Variants in SCUBE1 observed in about 807,000 individuals in gnomAD.
SCUBE1 encodes signal peptide, CUB domain and EGF like domain containing 1.
In SCUBE1, 59 loss-of-function variants were observed where a neutral mutation model predicts 124.4. That is an observed-to-expected ratio of 0.47 (90% confidence interval 0.38 to 0.59). The LOEUF (loss-of-function observed/expected upper bound fraction) is 0.59, where lower values mean the gene tolerates loss of function less well. Among genes scored for constraint, SCUBE1 ranks in the 20% least tolerant of loss-of-function variants. The probability of loss-of-function intolerance (pLI) is 0.00; values close to 1 mark genes in which losing one functional copy is unlikely to be tolerated. For missense variants in SCUBE1, 1,150 were observed against 1,371.2 expected (o/e 0.84, Z 2.55); for synonymous variants, 545 against 550.9 (o/e 0.99, Z 0.15).
chr22:43,217,978 G>A (rs928818220), intron 15 of SCUBE1, among the ~76,000 whole-genome samples: 12 of 152,278 alleles, frequency 7.9e-5, no homozygotes, highest in African/African-American at 2.4e-4. Flanking sequence ...TCTGGTTCCC[G>A]TGCCCCCTCG....
At chr22:43,324,223 C>T (rs934114857) in intron 2 of SCUBE1, among the ~76,000 whole-genome samples, 1 of 152,192 alleles carries the variant, frequency 6.6e-6, no homozygotes, top group Non-Finnish European at 1.5e-5. Flanking sequence ...ATCTGATCAC[C>T]ATACCCATAA....
Position 43,215,423 on chromosome 22 carries a change from T to C in SCUBE1, c.1892-1172A>G, listed in dbSNP as rs558882372. Among the ~76,000 whole-genome samples, 13 of 152,294 alleles carry C rather than the reference T, an allele frequency of 8.5e-5. No homozygotes were observed. In the East Asian group the frequency reaches 1.3e-3, roughly 16 times the overall value. ...GAATGTGACTAGTGAGCGTGGAACA[T>C]GGAACAAATGGTAGAGGTGGCTGAC... is the stretch of plus-strand genomic sequence containing the variant. On this transcript the variant is annotated intron_variant, in intron 15 of 21. Transcript: ENST00000360835.
intron 20 of SCUBE1, among the ~76,000 whole-genome samples, chr22:43,207,828 C>T (rs1163585545): frequency 6.6e-6 from 1 of 152,206 alleles, no homozygotes; most frequent in Non-Finnish European, 1.5e-5. Flanking sequence ...ATTTAGCCCT[C>T]AAAACCCTGC....
At chr22:43,249,759 G>A (rs906426384) in intron 6 of SCUBE1, among the ~76,000 whole-genome samples, 21 of 152,274 alleles carry the variant, frequency 1.4e-4, no homozygotes, top group Admixed American at 1.2e-3. Flanking sequence ...CCTGCCAGCA[G>A]GACAGTGGGC....
intron 9 of SCUBE1, among the ~76,000 whole-genome samples, chr22:43,228,871 G>A (rs939423154): frequency 1.3e-5 from 2 of 152,218 alleles, no homozygotes; most frequent in African/African-American, 2.4e-5. Flanking sequence ...ACCTCTAACC[G>A]TTCCCTGCTA....
At chr22:43,221,377 A>G (rs1922086450) in intron 12 of SCUBE1, 88 bp from the exon 13 acceptor site, 2 of 693,782 alleles carry the variant, frequency 2.9e-6, no homozygotes, top group South Asian at 1.7e-5. Flanking sequence ...GGACAAATCC[A>G]TCTGGAGCTG....
intron 5 of SCUBE1, among the ~76,000 whole-genome samples, chr22:43,262,151 G>T (rs1253362663): frequency 6.6e-6 from 1 of 152,218 alleles, no homozygotes; most frequent in Non-Finnish European, 1.5e-5. Flanking sequence ...GGGTCAAATT[G>T]TGAGTTCTGA....
intron 21 of SCUBE1, among the ~76,000 whole-genome samples, chr22:43,205,244 C>T (rs1921174655): frequency 6.6e-6 from 1 of 152,126 alleles, no homozygotes; most frequent in Non-Finnish European, 1.5e-5. Context: ...TACAGGTTTG[C>T]TGCAGGGATC....
In SCUBE1 at chr22:43,238,917, T is replaced by C. The variant is rs759760342; in HGVS notation, c.765A>G (p.Thr255=). The part of the protein sequence containing the change: ...CAVNNGGCDR[T]CKDTATGVRC... The stretch of plus-strand genomic sequence containing the variant: ...GCACGCCAGTGGCTGTGTCCTTGCA[T>C]GTCCGGTCGCAGCCTCCGTTATTGA... Residue 255 remains threonine, a synonymous_variant, in exon 7 of 22, where the codon ACA becomes ACG. Transcript: ENST00000360835. 3 of 1,613,066 alleles carry C rather than the reference T, an allele frequency of 1.9e-6. No homozygotes were observed. The highest frequency in any genetic ancestry group is 2.7e-5 in the African/African-American group (2 of 75,060).
Position 43,204,048 on chromosome 22 carries a change from GAA to G in SCUBE1, c.2914_2915del (p.Phe972HisfsTer111). Reference sequence around the variant, plus strand: ...ACACTTTGGAGCGCAGCAGTTTGATGAAGGACCGTGGGAACATCTCCTTGGAT... The same window carrying G: ...ACACTTTGGAGCGCAGCAGTTTGATGGGACCGTGGGAACATCTCCTTGGAT... ...QESKEMFPRS[F>X]IKLLRSKVSR... On this transcript the variant is annotated frameshift_variant, in exon 22 of 22. Transcript: ENST00000360835. LOFTEE classifies it high-confidence loss of function. The G allele has an allele frequency of 6.2e-7, 1 of 1,614,164 alleles. No individual in the cohort carries two copies. The highest frequency in any genetic ancestry group is 8.5e-7 in the Non-Finnish European group (1 of 1,180,026).
At chr22:43,312,822 C>T (rs891904090) in intron 3 of SCUBE1, among the ~76,000 whole-genome samples, 5 of 152,190 alleles carry the variant, frequency 3.3e-5, no homozygotes, top group East Asian at 1.9e-4. Context: ...CCCAAACTCA[C>T]GGATAGATAC....
intron 13 of SCUBE1, among the ~76,000 whole-genome samples, 189 bp from the exon 14 acceptor site, chr22:43,220,776 C>T (rs190655506): frequency 8.2e-4 from 125 of 152,304 alleles, no homozygotes; most frequent in African/African-American, 2.8e-3. Context: ...CCAGGTCTCA[C>T]GCCCGGTCCA....
rs778763631 is a variant in SCUBE1, at chr22:43,211,086, G to A, written c.2222-3C>T. 6.2e-6 allele frequency: 10 copies of A among 1,607,240 alleles called. 1 individual carries two copies. The South Asian group carries it at 1.0e-4, about 16-fold the overall frequency. On this transcript the variant is annotated splice_polypyrimidine_tract_variant and splice_region_variant and intron_variant, in intron 17 of 21. Coordinates refer to ENST00000360835, the MANE Select transcript of SCUBE1 (RefSeq NM_173050.5). This position sits in a 1 kb window ranked among gnomAD's most constrained non-coding sequence, Gnocchi z 4.5. Reference sequence around the variant, plus strand: ...GTGGTGGCCGGGGGAGCAGTGCACTGCCGGGGGACACAAGGCAGTGTGGTG... The same window carrying A: ...GTGGTGGCCGGGGGAGCAGTGCACTACCGGGGGACACAAGGCAGTGTGGTG...
At chr22:43,286,979 G>C (rs1210339877) in intron 4 of SCUBE1, among the ~76,000 whole-genome samples, 1 of 152,236 alleles carries the variant, frequency 6.6e-6, no homozygotes, top group African/African-American at 2.4e-5. Context: ...AAGAAGAGCA[G>C]TGTGGGAGAG....
chr22:43,305,044 A>G (rs5751476), intron 3 of SCUBE1, among the ~76,000 whole-genome samples: 152,056 of 152,252 alleles, frequency 1, 75,930 homozygotes, highest in Middle Eastern at 1. Flanking sequence ...GTCCCAACCC[A>G]ATAATCACCC....
chr22:43,256,019 G>A (rs1923649038), intron 6 of SCUBE1, among the ~76,000 whole-genome samples: 1 of 152,238 alleles, frequency 6.6e-6, no homozygotes, highest in Non-Finnish European at 1.5e-5. Flanking sequence ...CACAGGACAA[G>A]GGGACAGGGC....
intron 1 of SCUBE1, among the ~76,000 whole-genome samples, chr22:43,342,934 T>A (rs1455858314): frequency 6.6e-6 from 1 of 150,502 alleles, no homozygotes; most frequent in Non-Finnish European, 1.5e-5. Flanking sequence ...GCGCTTCCCC[T>A]CCCGGGGCCC....
chr22:43,301,941 A>G (rs1276244485), intron 3 of SCUBE1, among the ~76,000 whole-genome samples: 1 of 152,220 alleles, frequency 6.6e-6, no homozygotes, highest in Non-Finnish European at 1.5e-5. Flanking sequence ...CGTATGCTGC[A>G]AAGTGTGGCT....
intron 3 of SCUBE1, among the ~76,000 whole-genome samples, chr22:43,293,889 C>T (rs758452452): frequency 5.3e-5 from 8 of 152,188 alleles, no homozygotes; most frequent in South Asian, 4.1e-4. Context: ...AGCTCCCTGG[C>T]GCCGCCCATC....
Sources: gnomAD v4.1 joint callset for allele counts (sites outside exome capture counted in the v4.1 genomes callset) on GRCh38, gnomAD v4.1.1 for gene constraint, Gnocchi (gnomAD v3.1) non-coding constraint, MANE v1.5 for transcripts, NCBI Gene and HGNC (gene_info 2026-07-23, HGNC 2026-07-21) for gene names.